The following TOP2B variants were observed in gnomAD, a reference collection of about 807,000 sequenced individuals.
TOP2B encodes the protein DNA topoisomerase 2-beta.
Under a neutral mutation model 193.5 loss-of-function variants are expected in TOP2B, and 51 were observed. That is an observed-to-expected ratio of 0.26 (90% CI 0.21 to 0.33). TOP2B has a LOEUF of 0.33. Ranked by LOEUF, TOP2B falls within the 10% of genes least tolerant of loss-of-function variation. The probability of loss-of-function intolerance (pLI) is 1.00; values close to 1 mark genes in which losing one functional copy is unlikely to be tolerated. For synonymous variants in TOP2B, 634 were observed against 635.7 expected (o/e 1.00, Z 0.04); for missense variants, 1,378 against 1,909.3 (o/e 0.72, Z 5.19).
intron 21 of TOP2B, 84 bp from the exon 22 acceptor site, chr3:25,620,900 A>C: frequency 7.2e-7 from 1 of 1,385,778 alleles, no homozygotes; most frequent in Non-Finnish European, 9.8e-7. Context: ...ACAGATTAAC[A>C]CAACTGAAAC....
At chr3:25,598,552 A>ACTT in intron 35 of TOP2B, 75 bp from the exon 36 acceptor site, 1 of 1,172,390 alleles carries the variant, frequency 8.5e-7, no homozygotes, top group Non-Finnish European at 1.1e-6. Context: ...CACTCCTTAA[A>ACTT]CTTCGCTTAT....
chr3:25,633,222 C>T (rs1335762197), intron 8 of TOP2B, among the ~76,000 whole-genome samples: 1 of 152,156 alleles, frequency 6.6e-6, no homozygotes, highest in Non-Finnish European at 1.5e-5. Context: ...TCTAACGAAC[C>T]TATGACCCAC....
intron 1 of TOP2B, among the ~76,000 whole-genome samples, chr3:25,663,242 G>A (rs575473269): frequency 6.6e-6 from 1 of 152,088 alleles, no homozygotes. Context: ...CCCAAACAAA[G>A]AGAAAACGAA....
chr3:25,615,338 A>G, intron 26 of TOP2B, 50 bp from the exon 27 acceptor site: 1 of 1,573,242 alleles, frequency 6.4e-7, no homozygotes, highest in Non-Finnish European at 8.6e-7. Flanking sequence ...AAAACATATG[A>G]AGGATAAATC....
intron 20 of TOP2B, 123 bp from the exon 21 acceptor site, chr3:25,623,869 T>C (rs1702727511): frequency 3.0e-6 from 2 of 670,544 alleles, no homozygotes; most frequent in South Asian, 4.1e-5. Context: ...TTTTTAATAA[T>C]TTTGATTACA....
rs1248357590 is a variant in TOP2B, at chr3:25,599,315, T to TA, written c.4710+119dup. 5 of 771,216 alleles carry TA rather than the reference T, an allele frequency of 6.5e-6. No homozygotes were observed. The African/African-American group carries it at 8.8e-5, about 14-fold the overall frequency. 47.8% of individuals were successfully genotyped at this position (771,216 alleles called of 1,614,324 possible). A position where few individuals can be genotyped will look rare whatever the true frequency, so the allele number is the denominator to read the frequency against. ...ATTTCTTAACCAAATACAAGCCCCA[T>TA]ATTGATACGAGATGCTAGGTGGAAA... On this transcript the variant is annotated intron_variant, in intron 35 of 35. Coordinates refer to ENST00000264331, the MANE Select transcript of TOP2B (RefSeq NM_001330700.2).
intron 1 of TOP2B, among the ~76,000 whole-genome samples, chr3:25,663,254 T>C (rs143463962): frequency 4.0e-4 from 61 of 152,184 alleles, no homozygotes; most frequent in African/African-American, 1.4e-3. Flanking sequence ...GAAAACGAAC[T>C]AAGTAACAAA....
At chr3:25,660,290 C>G (rs977574401) in intron 1 of TOP2B, among the ~76,000 whole-genome samples, 1 of 152,158 alleles carries the variant, frequency 6.6e-6, no homozygotes, top group African/African-American at 2.4e-5. Context: ...GTATCCAGTT[C>G]TTTGTTTAAC....
intron 2 of TOP2B, among the ~76,000 whole-genome samples, chr3:25,644,178 A>G (rs1406605106): frequency 6.6e-6 from 1 of 152,022 alleles, no homozygotes; most frequent in Non-Finnish European, 1.5e-5. Flanking sequence ...AGAGAGATCT[A>G]CTTTGAATCC....
chr3:25,649,871 A>G (rs994687006), intron 1 of TOP2B, among the ~76,000 whole-genome samples: 6 of 152,316 alleles, frequency 3.9e-5, no homozygotes, highest in Middle Eastern at 3.4e-3. Context: ...GAATCAAAAG[A>G]TAAAAATAAA....
At chr3:25,615,091 T>C (rs1185496567) in intron 27 of TOP2B, 114 bp downstream of exon 27, 5 of 823,466 alleles carry the variant, frequency 6.1e-6, no homozygotes, top group Non-Finnish European at 7.3e-6. Flanking sequence ...ACTCAACTTA[T>C]AAACATATTA....
At chr3:25,651,736 A>T (rs1020050274) in intron 1 of TOP2B, among the ~76,000 whole-genome samples, 12 of 151,844 alleles carry the variant, frequency 7.9e-5, no homozygotes, top group African/African-American at 2.9e-4. Context: ...GCATGGTGGC[A>T]GCCACCTGTA....
chr3:25,633,953 A>C lies in TOP2B; in HGVS notation c.914T>G (p.Val305Gly). The C allele has an allele frequency of 6.2e-7, 1 of 1,612,966 alleles. No individual in the cohort carries two copies. Among genetic ancestry groups the C allele is most frequent in the Non-Finnish European group, 8.5e-7 (1 of 1,179,290 alleles). The change falls in exon 8 of 36, where the codon GTG (valine) becomes GGG (glycine). Residue 305 changes from valine (V) to glycine (G), a missense_variant. Physicochemically the swap from Val to Gly is moderately radical, Grantham distance 109. Coordinates refer to ENST00000264331, the MANE Select transcript of TOP2B (RefSeq NM_001330700.2). The part of the protein sequence containing the change: ...YVKDKLDETG[V>G]ALKVIHELAN... ...AAGCTCATGAATAACTTTCAGGGCC[A>C]CCCCAGTTTCATCCAATTTGTCTTT... is the stretch of plus-strand genomic sequence containing the variant.
intron 25 of TOP2B, among the ~76,000 whole-genome samples, chr3:25,617,093 G>A (rs1702523570): frequency 6.6e-6 from 1 of 152,020 alleles, no homozygotes; most frequent in Non-Finnish European, 1.5e-5. Context: ...TGGTGGTAAT[G>A]CAATAACTGA....
At chr3:25,599,200 C>G (rs146645759) in intron 35 of TOP2B, among the ~76,000 whole-genome samples, 2,049 of 152,210 alleles carry the variant, frequency 0.013, 50 homozygotes, top group African/African-American at 0.045. Flanking sequence ...TACTACAGTT[C>G]AGTGGATGAA....
intron 1 of TOP2B, among the ~76,000 whole-genome samples, chr3:25,649,589 A>C (rs933244348): frequency 1.3e-5 from 2 of 149,636 alleles, no homozygotes; most frequent in Non-Finnish European, 3.0e-5. Flanking sequence ...GATTGGAAGA[A>C]TATATCTGAA....
At chr3:25,611,096 G>GCTA (rs771685108) in intron 28 of TOP2B, among the ~76,000 whole-genome samples, 6 of 152,174 alleles carry the variant, frequency 3.9e-5, no homozygotes, top group Non-Finnish European at 8.8e-5. Context: ...CATTCAAGTG[G>GCTA]CTATGAGCTT....
chr3:25,649,171 G>A (rs1436234240), intron 1 of TOP2B, among the ~76,000 whole-genome samples: 1 of 152,068 alleles, frequency 6.6e-6, no homozygotes, highest in Non-Finnish European at 1.5e-5. Context: ...TTGAAGACAG[G>A]ACTTTCAAAA....
At chr3:25,611,026 G>A (rs1419047008) in intron 28 of TOP2B, among the ~76,000 whole-genome samples, 1 of 152,214 alleles carries the variant, frequency 6.6e-6, no homozygotes, top group Non-Finnish European at 1.5e-5. Context: ...GCAAAGAACA[G>A]ATTTTGAAAT....
Sources: allele counts gnomAD v4.1 joint callset (sites outside exome capture counted in the v4.1 genomes callset), GRCh38; gene constraint gnomAD v4.1.1; transcripts MANE v1.5; gene names NCBI Gene and HGNC (gene_info 2026-07-23, HGNC 2026-07-21).